CNTNAP2: variants seen among roughly 807,000 people sequenced by gnomAD.
CNTNAP2 encodes contactin-associated protein-like 2.
Under a neutral mutation model 155.2 loss-of-function variants are expected in CNTNAP2, and 98 were observed. The ratio of observed to expected loss-of-function variants is 0.63; its 90% CI spans 0.54 to 0.75. The LOEUF (loss-of-function observed/expected upper bound fraction) is 0.75, where lower values mean the gene tolerates loss of function less well. Ranked by LOEUF, CNTNAP2 falls within the 30% of genes least tolerant of loss-of-function variation. The pLI, the probability that CNTNAP2 is intolerant of heterozygous loss-of-function variation, is 0.00. For synonymous variants in CNTNAP2, 651 were observed against 631.2 expected (o/e 1.03, Z -0.47); for missense variants, 1,727 against 1,688.1 (o/e 1.02, Z -0.40).
rs1803481726 is a variant in CNTNAP2 at position 147,224,716 on chromosome 7, T to G, written c.1349-75425T>G. 2.0e-5 allele frequency among the ~76,000 whole-genome samples: 3 copies of G among 152,176 alleles called. No individual in the cohort carries two copies. The South Asian group carries it at 6.2e-4, about 32-fold the overall frequency. ...TATGAATGGGTGAAGTATGAATGGG[T>G]GAAGTATGAATGAGTTTGAATTTGC... On this transcript the variant is annotated intron_variant, in intron 8 of 23. Coordinates refer to ENST00000361727, the MANE Select transcript of CNTNAP2 (RefSeq NM_014141.6).
chr7:147,535,565 CG>C (rs1307896516), intron 11 of CNTNAP2, among the ~76,000 whole-genome samples: 1 of 152,090 alleles, frequency 6.6e-6, no homozygotes, highest in Non-Finnish European at 1.5e-5. Context: ...AGATTCTTCC[CG>C]GGTTCTTGCT....
chr7:146,850,943 T>A (rs1410390341), intron 3 of CNTNAP2, among the ~76,000 whole-genome samples: 1 of 152,134 alleles, frequency 6.6e-6, no homozygotes, highest in Non-Finnish European at 1.5e-5. Context: ...ATTTAAACTG[T>A]AATATAGCGC....
intron 4 of CNTNAP2, among the ~76,000 whole-genome samples, chr7:147,052,504 T>C (rs1207331176): frequency 6.6e-6 from 1 of 152,096 alleles, no homozygotes; most frequent in Non-Finnish European, 1.5e-5. Flanking sequence ...TGAACAGTGC[T>C]CTAAGGGGCC....
At chr7:146,771,567 C>A (rs1007409197) in intron 1 of CNTNAP2, among the ~76,000 whole-genome samples, 2 of 152,088 alleles carry the variant, frequency 1.3e-5, no homozygotes, top group African/African-American at 4.8e-5. Flanking sequence ...ATTTTAAGTT[C>A]TTTTCATTCT....
chr7:147,090,103 C>T (rs1179142827), intron 4 of CNTNAP2, among the ~76,000 whole-genome samples: 1 of 152,200 alleles, frequency 6.6e-6, no homozygotes, highest in Non-Finnish European at 1.5e-5. Context: ...GTCCCATAGT[C>T]ACCAAGCAAG....
At position 147,322,585 on chromosome 7, in the gene CNTNAP2, C is replaced by T. The variant is rs1270398252; in HGVS notation, c.1498+22295C>T. Among the ~76,000 whole-genome samples, 7 of 149,810 alleles carry T rather than the reference C, an allele frequency of 4.7e-5. No homozygotes were observed. In the East Asian group the frequency reaches 1.2e-3, roughly 26 times the overall value. ...GCTTTGGTATCAGAATGATGCTGGC[C>T]TCATAAAATGAGTTAGGGAGGATTC... On this transcript the variant is annotated intron_variant, in intron 9 of 23. Transcript: ENST00000361727.
intron 12 of CNTNAP2, among the ~76,000 whole-genome samples, chr7:147,626,045 G>C (rs919591550): frequency 6.6e-6 from 1 of 152,258 alleles, no homozygotes; most frequent in Non-Finnish European, 1.5e-5. Context: ...CATCTCTGAT[G>C]ATATCTTATA....
At chr7:147,117,638 G>A (rs1419517607) in intron 5 of CNTNAP2, among the ~76,000 whole-genome samples, 1 of 152,050 alleles carries the variant, frequency 6.6e-6, no homozygotes, top group Non-Finnish European at 1.5e-5. Context: ...AAAAATTCTA[G>A]GCTATTTGAT....
At chr7:146,239,459 GCA>G (rs1229537093) in intron 1 of CNTNAP2, among the ~76,000 whole-genome samples, 1 of 152,078 alleles carries the variant, frequency 6.6e-6, no homozygotes, top group Non-Finnish European at 1.5e-5. Flanking sequence ...GAACCCTTAG[GCA>G]CAGTTTTCTC....
At chr7:147,691,047 C>G (rs1584902297) in intron 13 of CNTNAP2, among the ~76,000 whole-genome samples, 2 of 151,984 alleles carry the variant, frequency 1.3e-5, no homozygotes, top group Admixed American at 1.3e-4. Flanking sequence ...ATGAGTAAAA[C>G]AAAGGGAAAA....
intron 1 of CNTNAP2, among the ~76,000 whole-genome samples, chr7:146,748,683 T>A (rs1801853808): frequency 6.6e-6 from 1 of 152,202 alleles, no homozygotes; most frequent in Admixed American, 6.5e-5. Flanking sequence ...ATTTATAATA[T>A]GATGGAAACA....
At chr7:147,225,036 A>G (rs1386035075) in intron 8 of CNTNAP2, among the ~76,000 whole-genome samples, 1 of 152,214 alleles carries the variant, frequency 6.6e-6, no homozygotes, top group Non-Finnish European at 1.5e-5. Flanking sequence ...AGAACATTTG[A>G]TAAAGACTTA....
At chr7:147,418,635 CTTATA>C (rs1291401682) in intron 10 of CNTNAP2, among the ~76,000 whole-genome samples, 1 of 152,190 alleles carries the variant, frequency 6.6e-6, no homozygotes, top group African/African-American at 2.4e-5. Flanking sequence ...AACAAGTTCA[CTTATA>C]TTATAGCATG....
At chr7:148,047,063 C>A (rs568526297) in intron 15 of CNTNAP2, among the ~76,000 whole-genome samples, 1 of 152,322 alleles carries the variant, frequency 6.6e-6, no homozygotes, top group Non-Finnish European at 1.5e-5. Context: ...TCCCCAACTC[C>A]TACCTTTCTC....
intron 3 of CNTNAP2, among the ~76,000 whole-genome samples, chr7:146,962,370 G>A (rs1797572034): frequency 6.6e-6 from 1 of 152,138 alleles, no homozygotes; most frequent in Admixed American, 6.5e-5. Flanking sequence ...ATATTTGAGT[G>A]CAAAATTCTT....
At chr7:146,911,982 A>G (rs867447957) in intron 3 of CNTNAP2, among the ~76,000 whole-genome samples, 10 of 152,236 alleles carry the variant, frequency 6.6e-5, no homozygotes, top group Middle Eastern at 3.4e-3. Context: ...ATTAAGAGGC[A>G]TTTTTATAGT....
intron 1 of CNTNAP2, among the ~76,000 whole-genome samples, chr7:146,716,332 G>A (rs1051240365): frequency 1.3e-5 from 2 of 151,926 alleles, no homozygotes; most frequent in Admixed American, 6.6e-5. Flanking sequence ...CCCTCCTGGG[G>A]CTAAAAGAAG....
At chr7:148,258,432 T>G (rs372638349) in intron 20 of CNTNAP2, among the ~76,000 whole-genome samples, 13 of 152,300 alleles carry the variant, frequency 8.5e-5, no homozygotes, top group African/African-American at 2.9e-4. Context: ...CAGAAAACAT[T>G]TAGATGAACG....
At chr7:147,125,030 G>A (rs1236626006) in intron 6 of CNTNAP2, among the ~76,000 whole-genome samples, 3 of 151,732 alleles carry the variant, frequency 2.0e-5, no homozygotes, top group Non-Finnish European at 2.9e-5. Context: ...ACAGGCACCT[G>A]CCACTATGCC....
Sources: gnomAD v4.1 joint callset for allele counts (sites outside exome capture counted in the v4.1 genomes callset) on GRCh38, gnomAD v4.1.1 for gene constraint, MANE v1.5 for transcripts, NCBI Gene and HGNC (gene_info 2026-07-23, HGNC 2026-07-21) for gene names.